Variants in HDAC8 observed in about 807,000 individuals in gnomAD.
HDAC8 encodes the protein histone deacetylase-like 1.
HDAC8 carries 1 observed loss-of-function variant against 32.2 expected under a neutral mutation model. The observed-to-expected ratio is 0.03, with a 90% CI of 0.01 to 0.15. The LOEUF (loss-of-function observed/expected upper bound fraction) is 0.15. HDAC8 is among the 10% of genes least tolerant of loss of function. HDAC8 has a pLI of 1.00. For synonymous variants in HDAC8, 108 were observed against 113.9 expected, an observed-to-expected ratio of 0.95 and a Z score of 0.33; for missense variants, 117 against 300.0, an observed-to-expected ratio of 0.39 and a Z score of 4.51.
At chrX:72,488,510 G>GAAT (rs2048755559) in intron 7 of HDAC8, among the ~76,000 whole-genome samples, 1 of 111,893 alleles carries the variant, frequency 8.9e-6, no homozygotes. Context: ...AATGCATGAT[G>GAAT]AATAATAATA....
intron 10 of HDAC8, among the ~76,000 whole-genome samples, chrX:72,334,560 G>T (rs1341922477): frequency 6.3e-5 from 7 of 111,458 alleles, no homozygotes; most frequent in African/African-American, 2.3e-4. Flanking sequence ...TCGGCCCCAT[G>T]GGACCGAGTC....
At chrX:72,493,334 G>C (rs2048925634) in intron 5 of HDAC8, among the ~76,000 whole-genome samples, 1 of 111,848 alleles carries the variant, frequency 8.9e-6, no homozygotes, top group Admixed American at 9.5e-5. Context: ...TAGGTAAAGA[G>C]TGTGGACTAC....
chrX:72,441,557 C>T (rs1471302304), intron 9 of HDAC8, among the ~76,000 whole-genome samples: 4 of 111,227 alleles, frequency 3.6e-5, no homozygotes, highest in African/African-American at 1.3e-4. Context: ...CATCAAAGAC[C>T]AAAAGTAGAT....
intron 4 of HDAC8, among the ~76,000 whole-genome samples, chrX:72,518,738 C>T (rs1318118231): frequency 2.7e-5 from 3 of 111,673 alleles, no homozygotes; most frequent in African/African-American, 9.8e-5. Flanking sequence ...TTCATCCCTC[C>T]TCTCTTCCCT....
chrX:72,435,275 G>A (rs781839723), intron 9 of HDAC8, among the ~76,000 whole-genome samples: 1 of 112,245 alleles, frequency 8.9e-6, no homozygotes, highest in Admixed American at 9.4e-5. Flanking sequence ...AGCTCAGGCA[G>A]AAAGCTATAG....
At chrX:72,409,821 G>C in intron 9 of HDAC8, among the ~76,000 whole-genome samples, 1 of 112,361 alleles carries the variant, frequency 8.9e-6, no homozygotes, top group Non-Finnish European at 1.9e-5. Context: ...TTACAGGTCT[G>C]TCTCCTCCAT....
At chrX:72,378,808 T>C (rs113786806) in intron 9 of HDAC8, among the ~76,000 whole-genome samples, 3,568 of 111,428 alleles carry the variant, frequency 0.032, 69 homozygotes, top group Non-Finnish European at 0.054. Context: ...TATTTCTTTA[T>C]GTGGATTCAA....
intron 4 of HDAC8, among the ~76,000 whole-genome samples, chrX:72,511,070 T>C (rs2049567262): frequency 9.0e-6 from 1 of 111,498 alleles, no homozygotes; most frequent in Non-Finnish European, 1.9e-5. Context: ...AGAAACACTG[T>C]GTAACTTTTA....
intron 4 of HDAC8, among the ~76,000 whole-genome samples, chrX:72,559,302 C>T (rs782543257): frequency 0.014 from 1,577 of 109,023 alleles, 16 homozygotes; most frequent in Middle Eastern, 0.028. Flanking sequence ...CAGCTCCTAA[C>T]CGCGAGTGAT....
intron 7 of HDAC8, among the ~76,000 whole-genome samples, chrX:72,472,304 T>C (rs1160071497): frequency 9.0e-6 from 1 of 110,604 alleles, no homozygotes; most frequent in Non-Finnish European, 1.9e-5. Flanking sequence ...CCTGACCTCG[T>C]GATCCGCCCG....
intron 4 of HDAC8, among the ~76,000 whole-genome samples, chrX:72,522,012 G>C (rs1158263204): frequency 1.8e-5 from 2 of 111,644 alleles, no homozygotes; most frequent in African/African-American, 6.5e-5. Context: ...GGGAGACTCA[G>C]GTTCGAGAAG....
intron 9 of HDAC8, chrX:72,377,112 A>AT (rs1412656561): frequency 1.8e-5 from 2 of 111,671 alleles, no homozygotes; most frequent in Non-Finnish European, 1.9e-5. Context: ...TGTATCAGAT[A>AT]TTAAACTGAT....
At chrX:72,514,140 G>A (rs1418331069) in intron 4 of HDAC8, among the ~76,000 whole-genome samples, 4 of 112,322 alleles carry the variant, frequency 3.6e-5, no homozygotes, top group African/African-American at 1.3e-4. Flanking sequence ...TCAGGAGGGT[G>A]GAAGATATGA....
chrX:72,514,217 AG>A (rs1556023542), intron 4 of HDAC8, among the ~76,000 whole-genome samples: 1 of 112,404 alleles, frequency 8.9e-6, no homozygotes, highest in Admixed American at 9.4e-5. Context: ...CAGACCATCT[AG>A]CATCAAGATG....
At chrX:72,456,948 A>G (rs782758206) in intron 9 of HDAC8, among the ~76,000 whole-genome samples, 5 of 111,742 alleles carry the variant, frequency 4.5e-5, no homozygotes, top group African/African-American at 1.6e-4. Context: ...CCTTATCAAC[A>G]TAGACACAAA....
At chrX:72,416,767 A>T (rs2147915132) in intron 9 of HDAC8, among the ~76,000 whole-genome samples, 1 of 108,417 alleles carries the variant, frequency 9.2e-6, no homozygotes, top group East Asian at 2.9e-4. Flanking sequence ...TATTTTAAAA[A>T]TTTTCCTTGA....
At chrX:72,330,205 C>G (rs2043477585) in intron 10 of HDAC8, 129 bp from the exon 11 acceptor site, 2 of 505,942 alleles carry the variant, frequency 4.0e-6, no homozygotes, top group African/African-American at 4.8e-5. Flanking sequence ...AACTCTGTGA[C>G]CTCGCCATAA....
chrX:72,403,630 C>T (rs966131265), intron 9 of HDAC8, among the ~76,000 whole-genome samples: 43 of 111,967 alleles, frequency 3.8e-4, no homozygotes, highest in African/African-American at 1.4e-3. Flanking sequence ...AGTTTGAGAC[C>T]AGCCTGGCAA....
intron 7 of HDAC8, among the ~76,000 whole-genome samples, chrX:72,488,086 A>C (rs1444155027): frequency 9.0e-6 from 1 of 111,577 alleles, no homozygotes; most frequent in African/African-American, 3.3e-5. Flanking sequence ...TTGAAGCATA[A>C]AGTTTTTATT....
Sources: allele counts gnomAD v4.1 joint callset (sites outside exome capture counted in the v4.1 genomes callset), GRCh38; gene constraint gnomAD v4.1.1; transcripts MANE v1.5; gene names NCBI Gene and HGNC (gene_info 2026-07-23, HGNC 2026-07-21).